HDAC11: variants seen among roughly 807,000 people sequenced by gnomAD.
HDAC11 encodes the protein histone deacetylase 11.
In HDAC11, 23 loss-of-function variants were observed where a neutral mutation model predicts 41.1. The observed-to-expected ratio is 0.56, with a 90% CI of 0.40 to 0.79. The LOEUF (loss-of-function observed/expected upper bound fraction) is 0.79, where lower values mean the gene tolerates loss of function less well. Among genes scored for constraint, HDAC11 ranks in the 30% least tolerant of loss-of-function variants. The pLI, the probability that HDAC11 is intolerant of heterozygous loss-of-function variation, is 0.00. For synonymous variants in HDAC11, 187 were observed against 186.6 expected (o/e 1.00, Z -0.02); for missense variants, 402 against 477.3 (o/e 0.84, Z 1.47).
At chr3:13,500,895 T>C (rs751029334) in intron 6 of HDAC11, 106 bp downstream of exon 6, 1 of 876,418 alleles carries the variant, frequency 1.1e-6, no homozygotes, top group Non-Finnish European at 1.7e-6. Context: ...AAGGGGCCTA[T>C]GCTGGAGCAG....
intron 3 of HDAC11, among the ~76,000 whole-genome samples, chr3:13,489,300 C>T (rs1701740226): frequency 6.6e-6 from 1 of 152,112 alleles, no homozygotes; most frequent in Non-Finnish European, 1.5e-5. Flanking sequence ...TTGCCAAACC[C>T]AAGGTCATGA....
At chr3:13,488,899 T>C (rs1020253114) in intron 3 of HDAC11, among the ~76,000 whole-genome samples, 1 of 151,972 alleles carries the variant, frequency 6.6e-6, no homozygotes, top group Admixed American at 6.6e-5. Flanking sequence ...TACATCCTTT[T>C]CAATGCTTGT....
intron 6 of HDAC11, chr3:13,501,555 T>C: frequency 1.7e-6 from 1 of 595,824 alleles, no homozygotes; most frequent in Admixed American, 2.2e-5. Flanking sequence ...CCTTAACCCC[T>C]ACACATTTCC....
At chr3:13,490,103 C>T (rs1420654472) in intron 3 of HDAC11, among the ~76,000 whole-genome samples, 2 of 151,988 alleles carry the variant, frequency 1.3e-5, no homozygotes, top group African/African-American at 4.8e-5. Flanking sequence ...AGGTGATTCT[C>T]CTGCCTCAGC....
At chr3:13,498,796 C>T (rs1702225270) in intron 5 of HDAC11, among the ~76,000 whole-genome samples, 2 of 152,078 alleles carry the variant, frequency 1.3e-5, no homozygotes, top group Admixed American at 6.5e-5. Context: ...CTAAGGAGGT[C>T]CCCGGGTGGT....
intron 3 of HDAC11, among the ~76,000 whole-genome samples, chr3:13,485,509 G>T (rs1436504912): frequency 6.6e-6 from 1 of 152,216 alleles, no homozygotes; most frequent in African/African-American, 2.4e-5. Context: ...CTGGGGGTGG[G>T]GGGCCTAGGT....
chr3:13,484,860 CAG>C (rs1330404470), intron 3 of HDAC11, among the ~76,000 whole-genome samples: 2 of 151,996 alleles, frequency 1.3e-5, no homozygotes, highest in Non-Finnish European at 2.9e-5. Flanking sequence ...TTTGTAGGAA[CAG>C]AGGGGAGGTT....
At chr3:13,491,106 G>GTGTGTGTGTC (rs57437415) in intron 3 of HDAC11, among the ~76,000 whole-genome samples, 72 of 145,678 alleles carry the variant, frequency 4.9e-4, no homozygotes, top group African/African-American at 1.5e-3. Flanking sequence ...GTGTGTGTGT[G>GTGTGTGTGTC]TGTGTGTATT....
At chr3:13,494,196 C>G (rs781350333) in intron 3 of HDAC11, among the ~76,000 whole-genome samples, 2 of 152,034 alleles carry the variant, frequency 1.3e-5, no homozygotes, top group Non-Finnish European at 2.9e-5. Flanking sequence ...ATGCTGGGCT[C>G]TCGGCTGCAT....
intron 4 of HDAC11, among the ~76,000 whole-genome samples, chr3:13,497,927 C>A (rs1261869914): frequency 1.5e-5 from 2 of 133,752 alleles, no homozygotes; most frequent in African/African-American, 2.9e-5. Context: ...GTGACCTTGG[C>A]TCACTGCAAC....
intron 3 of HDAC11, among the ~76,000 whole-genome samples, chr3:13,491,197 T>A (rs550730663): frequency 6.6e-6 from 1 of 152,130 alleles, no homozygotes; most frequent in Non-Finnish European, 1.5e-5. Flanking sequence ...CTTTTATTTA[T>A]TTTTCTTGCC....
At position 13,499,042 on chromosome 3, in the gene HDAC11, C is replaced by T. The variant is rs186347866; in HGVS notation, c.412+487C>T. Reference sequence around the variant, plus strand: ...CTCAAGGGTCCAGAGGGCCCGTGCTCCCCAGCCCCCTTGAATCTCCCACAA... The same window carrying T: ...CTCAAGGGTCCAGAGGGCCCGTGCTTCCCAGCCCCCTTGAATCTCCCACAA... On this transcript the variant is annotated intron_variant, in intron 5 of 9. Coordinates refer to ENST00000295757, the MANE Select transcript of HDAC11 (RefSeq NM_024827.4). Among the ~76,000 whole-genome samples, 8 of 152,314 alleles carry T rather than the reference C, an allele frequency of 5.3e-5. No homozygotes were observed. In the East Asian group the frequency reaches 1.5e-3, roughly 29 times the overall value.
intron 3 of HDAC11, among the ~76,000 whole-genome samples, chr3:13,484,015 TG>T (rs1701444098): frequency 6.6e-6 from 1 of 152,210 alleles, no homozygotes; most frequent in South Asian, 2.1e-4. Flanking sequence ...TGGAGTGCAG[TG>T]ATGTGATCTC....
chr3:13,487,900 C>A (rs1701669351), intron 3 of HDAC11, among the ~76,000 whole-genome samples: 1 of 151,732 alleles, frequency 6.6e-6, no homozygotes, highest in Admixed American at 6.6e-5. Flanking sequence ...AAGGAAGGGA[C>A]AGCAGAAAAG....
At chr3:13,498,833 C>T (rs369612198) in intron 5 of HDAC11, among the ~76,000 whole-genome samples, 1 of 151,868 alleles carries the variant, frequency 6.6e-6, no homozygotes. Context: ...TGCGTACTTC[C>T]GGTGGCAGGG....
intron 3 of HDAC11, among the ~76,000 whole-genome samples, chr3:13,493,041 C>T (rs1701935932): frequency 6.6e-6 from 1 of 152,218 alleles, no homozygotes; most frequent in African/African-American, 2.4e-5. Context: ...CAGTCCTAGC[C>T]TCACCCACAG....
In HDAC11 at chr3:13,496,868, G is replaced by A; in HGVS notation, c.369+16G>A. 1 of 1,412,966 alleles carries A rather than the reference G, an allele frequency of 7.1e-7. No individual in the cohort carries two copies. The highest frequency in any genetic ancestry group is 9.7e-7 in the Non-Finnish European group (1 of 1,025,674). The allele number at this position is 1,412,966 out of a possible 1,614,324, so 87.5% of individuals were successfully genotyped here. A position where few individuals can be genotyped will look rare whatever the true frequency, so the allele number is the denominator to read the frequency against. On this transcript the variant is annotated intron_variant, in intron 4 of 9. Transcript: ENST00000295757. ...AACCATAATGGTAGGTGGGGTGGGG[G>A]GGCATGGCTGGGCTGGGGGCCCCCA...
At position 13,480,980 on chromosome 3, in the gene HDAC11, T is replaced by C; in HGVS notation, c.3-266T>C. 3.8e-6 allele frequency: 2 copies of C among 524,042 alleles called. No individual in the cohort carries two copies. Among genetic ancestry groups the C allele is most frequent in the Non-Finnish European group, 6.9e-6 (2 of 287,974 alleles). 32.5% of individuals were successfully genotyped at this position (524,042 alleles called of 1,614,324 possible). On this transcript the variant is annotated intron_variant, in intron 1 of 9. Transcript: ENST00000295757. The surrounding 1 kb of genome is among the most constrained non-coding windows in gnomAD (Gnocchi z 4.6). ...CGCCTGCTTCTCCACAGACCTGCAC[T>C]GTGACCTTGGGCACACCTGGTCTGC...
At position 13,491,068 on chromosome 3, in the gene HDAC11, T is replaced by TTGTG. The variant is rs58333021; in HGVS notation, c.253-5626_253-5623dup. On this transcript the variant is annotated intron_variant, in intron 3 of 9. Transcript: ENST00000295757. ...CTGGCCTGTTTCTTAGCTTTAATAG[T>TTGTG]TGTGTGTGTGTGTGTGTGTGTGTGT... Among the ~76,000 whole-genome samples the TTGTG allele has an allele frequency of 5.4e-3, 762 of 140,388 alleles. 1 individual carries two copies. Among genetic ancestry groups the TTGTG allele is most frequent in the Middle Eastern group, 7.4e-3 (2 of 272 alleles). The allele number at this position is 140,388 out of a possible 152,430, so 92.1% of individuals were successfully genotyped here.
Sources: gnomAD v4.1 joint callset for allele counts (sites outside exome capture counted in the v4.1 genomes callset) on GRCh38, gnomAD v4.1.1 for gene constraint, Gnocchi (gnomAD v3.1) non-coding constraint, MANE v1.5 for transcripts, NCBI Gene and HGNC (gene_info 2026-07-23, HGNC 2026-07-21) for gene names.